SEMA5B: variants seen among roughly 807,000 people sequenced by gnomAD.
SEMA5B encodes semaphorin-5B.
SEMA5B carries 66 observed loss-of-function variants against 135.0 expected under a neutral mutation model. The ratio of observed to expected loss-of-function variants is 0.49; its 90% CI spans 0.40 to 0.60. The LOEUF (loss-of-function observed/expected upper bound fraction) is 0.60. Among genes scored for constraint, SEMA5B ranks in the 20% least tolerant of loss-of-function variants. The pLI is 0.00. For missense variants in SEMA5B, 1,501 were observed against 1,566.3 expected, an observed-to-expected ratio of 0.96 and a Z score of 0.70; for synonymous variants, 690 against 639.5, an observed-to-expected ratio of 1.08 and a Z score of -1.19.
chr3:123,002,782 AATGCTTTGG>A (rs1163903060), intron 1 of SEMA5B, among the ~76,000 whole-genome samples: 1 of 152,252 alleles, frequency 6.6e-6, no homozygotes, highest in Non-Finnish European at 1.5e-5. Flanking sequence ...TCTCAAAGAA[AATGCTTTGG>A]ATGCCATTTC....
chr3:123,023,928 G>A (rs902117884), intron 1 of SEMA5B, among the ~76,000 whole-genome samples: 2 of 152,186 alleles, frequency 1.3e-5, no homozygotes, highest in African/African-American at 4.8e-5. Context: ...CTGTACCCAG[G>A]CAGTGACAAA....
At chr3:122,915,195 C>A (rs1210712062) in intron 14 of SEMA5B, among the ~76,000 whole-genome samples, 1 of 152,190 alleles carries the variant, frequency 6.6e-6, no homozygotes, top group Non-Finnish European at 1.5e-5. Flanking sequence ...GACCTCCATG[C>A]CTGCCCAGCA....
At position 122,985,660 on chromosome 3, in the gene SEMA5B, C is replaced by G. The variant is rs143557745; in HGVS notation, c.-38-24359G>C. On this transcript the variant is annotated intron_variant, in intron 1 of 22. Transcript: ENST00000357599. The stretch of plus-strand genomic sequence containing the variant: ...GATCTACCCCCAGAAAGCTCCCAAA[C>G]CCCAGTGCCCAGCTGCTCACTGCTG... Among the ~76,000 whole-genome samples the G allele has an allele frequency of 4.0e-3, 602 of 152,252 alleles. 5 individuals are homozygous for G. The highest frequency in any genetic ancestry group is 0.014 in the African/African-American group (568 of 41,552).
intron 1 of SEMA5B, among the ~76,000 whole-genome samples, chr3:122,964,571 G>A (rs115075639): frequency 0.012 from 1,869 of 152,278 alleles, 41 homozygotes; most frequent in African/African-American, 0.043. Context: ...GTCTCTCTGT[G>A]ACCTCTGGGC....
In SEMA5B at chr3:122,915,756, C is replaced by T. The variant is rs751927773; in HGVS notation, c.1806+17G>A. On this transcript the variant is annotated intron_variant, in intron 13 of 22. Coordinates refer to ENST00000357599, the MANE Select transcript of SEMA5B (RefSeq NM_001031702.4). ...GAAGGAGGGGTCTGAGATGGGAGGACACAAGGGGATTCTCACAGGACAGGC... is the reference window on the plus strand; with the variant it reads ...GAAGGAGGGGTCTGAGATGGGAGGATACAAGGGGATTCTCACAGGACAGGC... 6.2e-7 allele frequency: 1 copy of T among 1,612,228 alleles called. No individual in the cohort carries two copies. Among genetic ancestry groups the T allele is most frequent in the Admixed American group, 1.7e-5 (1 of 60,006 alleles).
chr3:122,937,628 G>A (rs189430832), intron 5 of SEMA5B, among the ~76,000 whole-genome samples: 23 of 152,238 alleles, frequency 1.5e-4, no homozygotes, highest in African/African-American at 3.4e-4. Context: ...AGGGAATGCC[G>A]TTGGAGCTGA....
At chr3:122,933,048 A>G (rs1457378742) in intron 5 of SEMA5B, among the ~76,000 whole-genome samples, 1 of 151,940 alleles carries the variant, frequency 6.6e-6, no homozygotes, top group East Asian at 1.9e-4. Flanking sequence ...TGCATGCACA[A>G]ATGATTCAGA....
intron 2 of SEMA5B, among the ~76,000 whole-genome samples, chr3:122,949,563 C>A (rs1277954306): frequency 6.6e-6 from 1 of 152,256 alleles, no homozygotes; most frequent in Non-Finnish European, 1.5e-5. Context: ...CCAAAGCAAA[C>A]CACCTCCTTG....
At chr3:123,024,913 GA>G (rs1177995494) in intron 1 of SEMA5B, among the ~76,000 whole-genome samples, 1 of 152,188 alleles carries the variant, frequency 6.6e-6, no homozygotes, top group African/African-American at 2.4e-5. Context: ...CTAATTGCCT[GA>G]TCAACACACT....
At chr3:122,977,924 A>G (rs955616685) in intron 1 of SEMA5B, among the ~76,000 whole-genome samples, 4 of 152,190 alleles carry the variant, frequency 2.6e-5, no homozygotes, top group African/African-American at 9.7e-5. Flanking sequence ...CTCAATAAAT[A>G]TTTGCCGACT....
At chr3:123,007,022 T>G (rs1350284793) in intron 1 of SEMA5B, among the ~76,000 whole-genome samples, 2 of 151,698 alleles carry the variant, frequency 1.3e-5, no homozygotes, top group Non-Finnish European at 2.9e-5. Flanking sequence ...CAGAAAAGCA[T>G]GAGGAATGAG....
intron 1 of SEMA5B, among the ~76,000 whole-genome samples, chr3:122,983,760 T>A (rs1941609764): frequency 7.3e-6 from 1 of 136,506 alleles, no homozygotes; most frequent in African/African-American, 2.7e-5. Flanking sequence ...AAAGGTAGAT[T>A]GGAGGCTACT....
chr3:122,927,168 T>A (rs1424503909), intron 8 of SEMA5B, among the ~76,000 whole-genome samples: 2 of 152,214 alleles, frequency 1.3e-5, no homozygotes, highest in Non-Finnish European at 2.9e-5. Flanking sequence ...GAAACTCATA[T>A]GGCCCTTTCC....
chr3:122,951,053 C>T (rs778458707), intron 2 of SEMA5B, among the ~76,000 whole-genome samples: 10 of 152,168 alleles, frequency 6.6e-5, no homozygotes, highest in Non-Finnish European at 1.0e-4. Context: ...TCCAGCTCAG[C>T]CTCTCTAGTG....
At chr3:122,929,082 A>G (rs1366821191) in intron 5 of SEMA5B, 24 bp from the exon 6 acceptor site, 4 of 1,606,674 alleles carry the variant, frequency 2.5e-6, no homozygotes, top group Non-Finnish European at 3.4e-6. Context: ...ATAGGAGCAC[A>G]CAGACATCAC....
chr3:122,957,205 T>C (rs1038751724), intron 2 of SEMA5B, among the ~76,000 whole-genome samples: 7 of 152,244 alleles, frequency 4.6e-5, no homozygotes, highest in African/African-American at 1.7e-4. Flanking sequence ...GATCTGTGCA[T>C]GCTTTGGGAA....
At position 122,953,626 on chromosome 3, in the gene SEMA5B, C is replaced by T. The variant is rs141596150; in HGVS notation, c.125-4917G>A. On this transcript the variant is annotated intron_variant, in intron 2 of 22. Coordinates refer to ENST00000357599, the MANE Select transcript of SEMA5B (RefSeq NM_001031702.4). Reference sequence around the variant, plus strand: ...ATCTGGGATCTCCTCTACTCAATTACCTTCGCTCCAGGTGAGGCAAGAGCA... The same window carrying T: ...ATCTGGGATCTCCTCTACTCAATTATCTTCGCTCCAGGTGAGGCAAGAGCA... Among the ~76,000 whole-genome samples, 746 of 152,316 alleles carry T rather than the reference C, an allele frequency of 4.9e-3. 8 individuals carry two copies. Among genetic ancestry groups the T allele is most frequent in the African/African-American group, 0.017 (716 of 41,564 alleles).
rs377737501 is a variant in SEMA5B at position 122,922,101 on chromosome 3, G to A, written c.1502C>T (p.Ala501Val). The A allele has an allele frequency of 9.3e-5, 140 of 1,498,484 alleles. No homozygotes were observed. In the African/African-American group the frequency reaches 1.8e-3, roughly 19 times the overall value. The allele number at this position is 1,498,484 out of a possible 1,614,324, so 92.8% of individuals were successfully genotyped here. A position where few individuals can be genotyped will look rare whatever the true frequency, so the allele number is the denominator to read the frequency against. ...IGTESGTILKALSTASRSLHG... is the reference protein window; with the variant it reads ...IGTESGTILKVLSTASRSLHG... ...GAGGCTGCGGCTCGCCGTGGACAGC[G>A]CCTTCAGGATGGTGCCCGACTCTGG... The change falls in exon 12 of 23, where the codon GCG (alanine) becomes GTG (valine). Residue 501 changes from alanine (A) to valine (V), a missense_variant. By Grantham distance (64) the Ala-to-Val change is moderately conservative. Around this residue, in one of 2 missense-constraint regions of SEMA5B, gnomAD observed 574 missense variants for 684.7 expected, o/e 0.84. Coordinates refer to ENST00000357599, the MANE Select transcript of SEMA5B (RefSeq NM_001031702.4).
At chr3:122,986,350 A>G (rs1941694613) in intron 1 of SEMA5B, among the ~76,000 whole-genome samples, 1 of 152,254 alleles carries the variant, frequency 6.6e-6, no homozygotes. Context: ...TGTTTATTAA[A>G]TCAATTATAT....
Sources: allele counts gnomAD v4.1 joint callset (sites outside exome capture counted in the v4.1 genomes callset), GRCh38; gene constraint gnomAD v4.1.1; regional missense constraint gnomAD v4.1.1; transcripts MANE v1.5; gene names NCBI Gene and HGNC (gene_info 2026-07-23, HGNC 2026-07-21).